Variants in MTFMT observed in about 807,000 individuals in gnomAD.
MTFMT encodes the protein methionyl-tRNA formyltransferase, mitochondrial.
In MTFMT, 47 loss-of-function variants were observed where a neutral mutation model predicts 51.8. The ratio of observed to expected loss-of-function variants is 0.91; its 90% CI spans 0.72 to 1.16. The LOEUF is 1.16. Ranked by LOEUF, MTFMT falls within the 50% of genes most tolerant of loss-of-function variation. The probability of loss-of-function intolerance (pLI) is 0.00; values close to 1 mark genes in which losing one functional copy is unlikely to be tolerated. For synonymous variants in MTFMT, 196 were observed against 176.7 expected (o/e 1.11, Z -0.87); for missense variants, 512 against 482.3 (o/e 1.06, Z -0.58).
In MTFMT at chr15:65,014,622, G is replaced by A. The variant is rs558361376; in HGVS notation, c.813+1814C>T. Among the ~76,000 whole-genome samples, 937 of 148,822 alleles carry A rather than the reference G, an allele frequency of 6.3e-3. 11 individuals carry two copies. Among genetic ancestry groups the A allele is most frequent in the African/African-American group, 0.02 (819 of 40,422 alleles). On this transcript the variant is annotated intron_variant, in intron 6 of 8. Coordinates refer to ENST00000220058, the MANE Select transcript of MTFMT (RefSeq NM_139242.4). ...ATAACAGGCGTGAGCCACCATGCCCGGTCTTTTTTTTTTTTTTTCTTTTGA... is the reference window on the plus strand; with the variant it reads ...ATAACAGGCGTGAGCCACCATGCCCAGTCTTTTTTTTTTTTTTTCTTTTGA...
chr15:65,007,483 T>C (rs770273919), intron 6 of MTFMT, among the ~76,000 whole-genome samples: 3 of 152,266 alleles, frequency 2.0e-5, no homozygotes, highest in Non-Finnish European at 4.4e-5. Flanking sequence ...TTTGTTATTT[T>C]CAATTTATTG....
At chr15:65,021,754 A>C in intron 3 of MTFMT, 138 bp from the exon 4 acceptor site, 3 of 547,864 alleles carry the variant, frequency 5.5e-6, no homozygotes, top group Non-Finnish European at 6.2e-6. Flanking sequence ...CTGAGGCAGC[A>C]GGATTGCTTG....
intron 6 of MTFMT, among the ~76,000 whole-genome samples, chr15:65,012,129 C>CAAA (rs58093427): frequency 6.8e-5 from 4 of 58,708 alleles, no homozygotes; most frequent in African/African-American, 1.4e-4. Flanking sequence ...GCACTCTTGT[C>CAAA]AAAAAAAAAA....
intron 5 of MTFMT, among the ~76,000 whole-genome samples, chr15:65,016,781 ACT>A (rs1491268085): frequency 7.2e-6 from 1 of 139,652 alleles, no homozygotes. Context: ...GACTATTCAA[ACT>A]TTTTTTTTTT....
At chr15:65,021,182 T>G (rs947196593) in intron 4 of MTFMT, among the ~76,000 whole-genome samples, 2 of 152,206 alleles carry the variant, frequency 1.3e-5, no homozygotes, top group African/African-American at 4.8e-5. Context: ...AAAATTGCTG[T>G]TAGTTCATTC....
intron 5 of MTFMT, among the ~76,000 whole-genome samples, chr15:65,019,547 G>C (rs1158321494): frequency 6.6e-6 from 1 of 151,940 alleles, no homozygotes; most frequent in African/African-American, 2.4e-5. Context: ...GGAAATATAA[G>C]AGATAGGGAA....
Position 65,011,485 on chromosome 15 carries a change from C to CTTTTTT in MTFMT, c.813+4945_813+4950dup, listed in dbSNP as rs536213292. On this transcript the variant is annotated intron_variant, in intron 6 of 8. Transcript: ENST00000220058. ...TATTCCCTCCCATTCTGTAAGCTGT[C>CTTTTTT]TTTTTTTTTTTTTTTTTTTTTTTTT... Among the ~76,000 whole-genome samples, 30 of 74,100 alleles carry CTTTTTT rather than the reference C, an allele frequency of 4.0e-4. 4 individuals are homozygous for CTTTTTT. The highest frequency in any genetic ancestry group is 1.2e-3 in the East Asian group (2 of 1,730). 48.6% of individuals were successfully genotyped at this position (74,100 alleles called of 152,430 possible). A position where few individuals can be genotyped will look rare whatever the true frequency, so the allele number is the denominator to read the frequency against.
chr15:65,005,900 G>A lies in MTFMT; in HGVS notation c.892+213C>T, dbSNP rs538582582. Among the ~76,000 whole-genome samples, 67 of 152,284 alleles carry A rather than the reference G, an allele frequency of 4.4e-4. No individual in the cohort carries two copies. The East Asian group carries it at 4.6e-3, about 11-fold the overall frequency. On this transcript the variant is annotated intron_variant, in intron 7 of 8. Transcript: ENST00000220058. ...TGGAATTACAGGCGTGAGCCACCGCGCCTGGCCTGTTCTTGTAATGATTAA... is the reference window on the plus strand; with the variant it reads ...TGGAATTACAGGCGTGAGCCACCGCACCTGGCCTGTTCTTGTAATGATTAA...
At chr15:65,020,349 C>A in intron 4 of MTFMT, 77 bp from the exon 5 acceptor site, 1 of 1,203,154 alleles carries the variant, frequency 8.3e-7, no homozygotes, top group Non-Finnish European at 1.2e-6. Context: ...TACAATTCAG[C>A]ACCATGAAAT....
Position 65,016,454 on chromosome 15 carries a change from G to T in MTFMT, c.795C>A (p.Tyr265Ter). The change falls in exon 6 of 9, where the codon TAC becomes TAA. Residue 265 changes from tyrosine to a stop codon, truncating the protein, a stop_gained. Coordinates refer to ENST00000220058, the MANE Select transcript of MTFMT (RefSeq NM_139242.4). LOFTEE classifies it high-confidence loss of function. The stretch of plus-strand genomic sequence containing the variant: ...AACTTACTATATTTCCAATGGCACG[G>T]TAAAGTCTGAATATTTGTTCTGAAG... ...EQTSEQIFRL[Y>*]RAIGNIIPLQ... The T allele has an allele frequency of 6.2e-7, 1 of 1,607,976 alleles. No individual in the cohort carries two copies. Among genetic ancestry groups the T allele is most frequent in the Non-Finnish European group, 8.5e-7 (1 of 1,176,014 alleles).
rs1018913711 is a variant in MTFMT, at chr15:65,002,162, G to T, written c.*900C>A. 1 of 152,028 alleles carries T rather than the reference G, an allele frequency of 6.6e-6. No individual in the cohort carries two copies. Among genetic ancestry groups the T allele is most frequent in the Non-Finnish European group, 1.5e-5 (1 of 68,000 alleles). 9.4% of individuals were successfully genotyped at this position (152,028 alleles called of 1,614,324 possible). Reference sequence around the variant, plus strand: ...AGCTGTAATCCCAGCACTTTGGGAGGCCAAGGCGGGTGGATCACGAGGTCA... The same window carrying T: ...AGCTGTAATCCCAGCACTTTGGGAGTCCAAGGCGGGTGGATCACGAGGTCA... On this transcript the variant is annotated 3_prime_UTR_variant, in exon 9 of 9. Transcript: ENST00000220058.
Position 65,029,409 on chromosome 15 carries a change from C to A in MTFMT, c.205G>T (p.Ala69Ser). The change falls in exon 1 of 9, where the codon GCC (alanine) becomes TCC (serine). Residue 69 changes from alanine (A) to serine (S), a missense_variant. Ala to Ser is a moderately conservative substitution (Grantham distance 99). Transcript: ENST00000220058. ...AREALRALHA[A>S]RENKEEELID... ...CCGGATCCCTGGCCCGGGTACCTGGCGGCGTGCAGCGCCCGCAGCGCCTCG... is the reference window on the plus strand; with the variant it reads ...CCGGATCCCTGGCCCGGGTACCTGGAGGCGTGCAGCGCCCGCAGCGCCTCG... The A allele has an allele frequency of 1.3e-6, 2 of 1,492,794 alleles. No individual in the cohort carries two copies. The highest frequency in any genetic ancestry group is 1.8e-6 in the Non-Finnish European group (2 of 1,122,678). 92.5% of individuals were successfully genotyped at this position (1,492,794 alleles called of 1,614,324 possible). A position where few individuals can be genotyped will look rare whatever the true frequency, so the allele number is the denominator to read the frequency against.
chr15:65,021,968 A>G (rs2086377359), intron 3 of MTFMT, among the ~76,000 whole-genome samples: 1 of 152,242 alleles, frequency 6.6e-6, no homozygotes, highest in African/African-American at 2.4e-5. Context: ...GAAACGATAC[A>G]GTTGCATATC....
intron 8 of MTFMT, among the ~76,000 whole-genome samples, chr15:65,003,822 C>T (rs1425982222): frequency 3.3e-5 from 4 of 121,438 alleles, no homozygotes; most frequent in Admixed American, 1.0e-4. Flanking sequence ...CACCACTACA[C>T]TCCAGCCTGG....
intron 6 of MTFMT, among the ~76,000 whole-genome samples, chr15:65,015,345 T>C (rs1566941781): frequency 3.3e-5 from 5 of 152,174 alleles, no homozygotes; most frequent in Admixed American, 2.6e-4. Flanking sequence ...TTTCATTAAC[T>C]AGCAACACGA....
At chr15:65,005,002 C>A in intron 7 of MTFMT, 66 bp from the exon 8 acceptor site, 1 of 1,135,246 alleles carries the variant, frequency 8.8e-7, no homozygotes, top group African/African-American at 1.5e-5. Context: ...CATAGTACTT[C>A]TTAAAAATCA....
intron 4 of MTFMT, among the ~76,000 whole-genome samples, 176 bp from the exon 5 acceptor site, chr15:65,020,448 A>G (rs1472937231): frequency 6.6e-6 from 1 of 152,200 alleles, no homozygotes; most frequent in Non-Finnish European, 1.5e-5. Flanking sequence ...TAACTTTAAA[A>G]GATCTATGTG....
At chr15:65,004,968 G>C in intron 7 of MTFMT, 32 bp from the exon 8 acceptor site, 1 of 1,508,748 alleles carries the variant, frequency 6.6e-7, no homozygotes, top group Non-Finnish European at 9.2e-7. Flanking sequence ...AGATATACAA[G>C]AGAAAAAAGC....
chr15:65,013,710 G>A (rs774395298), intron 6 of MTFMT, among the ~76,000 whole-genome samples: 4 of 152,122 alleles, frequency 2.6e-5, no homozygotes, highest in Non-Finnish European at 5.9e-5. Context: ...TTGGGAGGCT[G>A]AGGTGGGCGG....
Sources: allele counts gnomAD v4.1 joint callset (sites outside exome capture counted in the v4.1 genomes callset), GRCh38; gene constraint gnomAD v4.1.1; transcripts MANE v1.5; gene names NCBI Gene and HGNC (gene_info 2026-07-23, HGNC 2026-07-21).